The following CFAP44 variants were observed in gnomAD, a reference collection of about 807,000 sequenced individuals.
CFAP44 encodes the protein cilia and flagella associated protein 44.
Under a neutral mutation model 216.2 loss-of-function variants are expected in CFAP44, and 134 were observed. The ratio of observed to expected loss-of-function variants is 0.62; its 90% CI spans 0.54 to 0.72. The LOEUF (loss-of-function observed/expected upper bound fraction) is 0.72. CFAP44 is among the 30% of genes least tolerant of loss of function. The pLI is 0.00. For missense variants in CFAP44, 2,035 were observed against 2,182.1 expected (o/e 0.93, Z 1.34); for synonymous variants, 700 against 727.6 (o/e 0.96, Z 0.61).
At chr3:113,418,695 G>GT (rs966096652) in intron 5 of CFAP44, among the ~76,000 whole-genome samples, 43 of 151,210 alleles carry the variant, frequency 2.8e-4, no homozygotes, top group East Asian at 3.9e-4. Flanking sequence ...ATTAGCTTTT[G>GT]TTTTTTTTGT....
chr3:113,423,106 T>A (rs1057352916), intron 4 of CFAP44, among the ~76,000 whole-genome samples: 2 of 3,386 alleles, frequency 5.9e-4, no homozygotes, highest in Admixed American at 4.5e-3. Context: ...TGATCCTTCC[T>A]TTTTTTTTTT....
chr3:113,356,934 T>C (rs190798091), intron 22 of CFAP44, among the ~76,000 whole-genome samples: 8 of 151,224 alleles, frequency 5.3e-5, no homozygotes, highest in Middle Eastern at 3.4e-3. Flanking sequence ...TACACATACA[T>C]ACATGTCATA....
intron 24 of CFAP44, among the ~76,000 whole-genome samples, chr3:113,340,674 G>A (rs1485698856): frequency 6.6e-6 from 1 of 152,210 alleles, no homozygotes; most frequent in Non-Finnish European, 1.5e-5. Context: ...AGGGGTGAAT[G>A]TTTGCAGCTG....
At chr3:113,338,963 G>C (rs1449640573) in intron 24 of CFAP44, among the ~76,000 whole-genome samples, 1 of 152,020 alleles carries the variant, frequency 6.6e-6, no homozygotes, top group African/African-American at 2.4e-5. Context: ...TAATTCCCTG[G>C]GTTTACCCCT....
chr3:113,412,410 T>G (rs1329222991), intron 6 of CFAP44, among the ~76,000 whole-genome samples: 1 of 138,342 alleles, frequency 7.2e-6, no homozygotes, highest in Non-Finnish European at 1.5e-5. Context: ...TCTCTTTTAT[T>G]TCTTCTAAAA....
chr3:113,440,359 C>T (rs1339770257), intron 1 of CFAP44, among the ~76,000 whole-genome samples: 3 of 152,046 alleles, frequency 2.0e-5, no homozygotes, highest in Non-Finnish European at 4.4e-5. Flanking sequence ...CCGCGCACAG[C>T]CTATTATTAT....
chr3:113,437,425 G>A (rs1351337313), intron 1 of CFAP44, among the ~76,000 whole-genome samples: 1 of 152,220 alleles, frequency 6.6e-6, no homozygotes, highest in Non-Finnish European at 1.5e-5. Context: ...GAAAACAAGA[G>A]TTGAACCACA....
intron 18 of CFAP44, among the ~76,000 whole-genome samples, chr3:113,366,534 A>G (rs1249597481): frequency 6.6e-6 from 1 of 152,188 alleles, no homozygotes; most frequent in Admixed American, 6.5e-5. Context: ...ACATTAGGGT[A>G]GGTTCTAATC....
At chr3:113,333,609 C>A (rs1559914519) in intron 24 of CFAP44, 26 bp from the exon 25 acceptor site, 4 of 1,482,808 alleles carry the variant, frequency 2.7e-6, no homozygotes, top group East Asian at 2.5e-5. Flanking sequence ...ACAACCCCCC[C>A]ACACACAAAT....
At chr3:113,308,359 G>A in intron 28 of CFAP44, 91 bp from the exon 29 acceptor site, 1 of 1,035,460 alleles carries the variant, frequency 9.7e-7, no homozygotes, top group Non-Finnish European at 1.4e-6. Flanking sequence ...CAATGAGTTA[G>A]TCACTAGAAA....
intron 28 of CFAP44, among the ~76,000 whole-genome samples, chr3:113,322,895 G>C (rs1349806833): frequency 2.0e-5 from 3 of 152,210 alleles, no homozygotes; most frequent in Non-Finnish European, 4.4e-5. Flanking sequence ...CAGCATGGCT[G>C]GGGACGCCTC....
intron 21 of CFAP44, among the ~76,000 whole-genome samples, chr3:113,362,423 A>G (rs973072527): frequency 6.6e-6 from 1 of 152,136 alleles, no homozygotes; most frequent in Admixed American, 6.5e-5. Flanking sequence ...AGGGGCCACC[A>G]CCAATCACCT....
chr3:113,429,178 A>G (rs1044464824), intron 2 of CFAP44: 1 of 152,196 alleles, frequency 6.6e-6, no homozygotes, highest in Non-Finnish European at 1.5e-5. Context: ...AATGGTAGGC[A>G]TGTATACTTT....
chr3:113,322,532 A>G (rs1038868448), intron 28 of CFAP44, among the ~76,000 whole-genome samples: 2 of 152,194 alleles, frequency 1.3e-5, no homozygotes, highest in African/African-American at 2.4e-5. Context: ...CAAAACCACA[A>G]TGAGACACCA....
intron 22 of CFAP44, among the ~76,000 whole-genome samples, chr3:113,352,685 A>G (rs1436268998): frequency 6.6e-6 from 1 of 152,236 alleles, no homozygotes; most frequent in Non-Finnish European, 1.5e-5. Flanking sequence ...GGAAATAAAC[A>G]GAACCCAAAG....
At chr3:113,370,282 G>T (rs1011536456) in intron 18 of CFAP44, among the ~76,000 whole-genome samples, 4 of 152,080 alleles carry the variant, frequency 2.6e-5, no homozygotes, top group African/African-American at 9.7e-5. Flanking sequence ...AACAAAAAAA[G>T]AGAATTTTAG....
In CFAP44 at chr3:113,358,939, G is replaced by GC. The variant is rs1362366951; in HGVS notation, c.2935-65_2935-64insG. 5 of 1,476,906 alleles carry GC rather than the reference G, an allele frequency of 3.4e-6. No individual in the cohort carries two copies. The African/African-American group carries it at 7.1e-5, about 21-fold the overall frequency. 91.5% of individuals were successfully genotyped at this position (1,476,906 alleles called of 1,614,324 possible). ...TATCAACTCTGTTTCATATATTTCAGTTTTGTCCCCAGTTTCATGCTGCAT... is the reference window on the plus strand; with the variant it reads ...TATCAACTCTGTTTCATATATTTCAGCTTTTGTCCCCAGTTTCATGCTGCAT... On this transcript the variant is annotated intron_variant, in intron 21 of 34. Coordinates refer to ENST00000393845, the MANE Select transcript of CFAP44 (RefSeq NM_001164496.2).
chr3:113,355,831 A>C (rs1466107026), intron 22 of CFAP44, among the ~76,000 whole-genome samples: 1 of 152,022 alleles, frequency 6.6e-6, no homozygotes, highest in Non-Finnish European at 1.5e-5. Flanking sequence ...CCTACAATGT[A>C]AAATTTACAA....
intron 3 of CFAP44, chr3:113,426,823 C>A: frequency 4.5e-6 from 1 of 219,828 alleles, no homozygotes; most frequent in Non-Finnish European, 8.7e-6. Context: ...AGCCATTATG[C>A]CCACGTGCAT....
Sources: allele counts gnomAD v4.1 joint callset (sites outside exome capture counted in the v4.1 genomes callset), GRCh38; gene constraint gnomAD v4.1.1; transcripts MANE v1.5; gene names NCBI Gene and HGNC (gene_info 2026-07-23, HGNC 2026-07-21).